Variants in CERT1 observed in about 807,000 individuals in gnomAD.
CERT1 encodes ceramide transporter 1, also known as ceramide transfer protein.
Under a neutral mutation model 87.9 loss-of-function variants are expected in CERT1, and 31 were observed. The ratio of observed to expected loss-of-function variants is 0.35; its 90% CI spans 0.27 to 0.48. CERT1 has a LOEUF of 0.48. CERT1 is among the 20% of genes least tolerant of loss of function. CERT1 has a pLI of 0.99. For missense variants in CERT1, 487 were observed against 758.0 expected (o/e 0.64, Z 4.20); for synonymous variants, 289 against 250.9 (o/e 1.15, Z -1.44).
At chr5:75,500,308 C>A (rs958391349) in intron 2 of CERT1, among the ~76,000 whole-genome samples, 6 of 152,090 alleles carry the variant, frequency 3.9e-5, no homozygotes, top group African/African-American at 1.2e-4. Flanking sequence ...GCAACCCTAG[C>A]AAATGAATAC....
chr5:75,414,537 G>A (rs954094699), intron 7 of CERT1, among the ~76,000 whole-genome samples: 1 of 152,028 alleles, frequency 6.6e-6, no homozygotes, highest in Non-Finnish European at 1.5e-5. Flanking sequence ...TCAATGAACA[G>A]GTTATCTCTT....
intron 7 of CERT1, among the ~76,000 whole-genome samples, chr5:75,412,052 T>C (rs886155014): frequency 6.6e-6 from 1 of 152,242 alleles, no homozygotes; most frequent in Admixed American, 6.5e-5. Context: ...GTTGGTCCCA[T>C]ATAAAACTTA....
chr5:75,433,539 G>C (rs1420217495), intron 3 of CERT1, among the ~76,000 whole-genome samples: 1 of 152,076 alleles, frequency 6.6e-6, no homozygotes, highest in Non-Finnish European at 1.5e-5. Flanking sequence ...TTGTTTTATC[G>C]AGATAGGGTC....
At chr5:75,396,590 G>A (rs1206820587) in intron 11 of CERT1, among the ~76,000 whole-genome samples, 2 of 152,076 alleles carry the variant, frequency 1.3e-5, no homozygotes, top group Admixed American at 6.6e-5. Flanking sequence ...TTAGCTGGGT[G>A]TGGTGGCAGG....
chr5:75,374,539 G>A (rs893901974), downstream of CERT1: 5 of 716,884 alleles, frequency 7.0e-6, no homozygotes, highest in South Asian at 2.7e-5. Context: ...TGCACGAACC[G>A]TGCCTGATGC....
intron 5 of CERT1, among the ~76,000 whole-genome samples, chr5:75,423,874 GA>G (rs894277601): frequency 7.2e-5 from 11 of 151,884 alleles, no homozygotes; most frequent in African/African-American, 1.9e-4. Context: ...ATATATATAT[GA>G]AAAAAATTTC....
chr5:75,423,897 G>T (rs1305248724), intron 5 of CERT1, among the ~76,000 whole-genome samples: 1 of 152,002 alleles, frequency 6.6e-6, no homozygotes, highest in Non-Finnish European at 1.5e-5. Flanking sequence ...TCCAAAGAAG[G>T]CAGAAAAAGG....
intron 2 of CERT1, among the ~76,000 whole-genome samples, chr5:75,485,041 AC>A (rs1187769505): frequency 6.6e-6 from 1 of 152,178 alleles, no homozygotes; most frequent in Non-Finnish European, 1.5e-5. Flanking sequence ...ATGCAATAAT[AC>A]TACAATTCAA....
chr5:75,490,881 C>CT (rs1290261446), intron 2 of CERT1, among the ~76,000 whole-genome samples: 1 of 152,136 alleles, frequency 6.6e-6, no homozygotes, highest in African/African-American at 2.4e-5. Context: ...TCTTTCATCT[C>CT]TTTGAGTACA....
At chr5:75,507,696 A>G (rs769525112) in intron 1 of CERT1, among the ~76,000 whole-genome samples, 2 of 152,234 alleles carry the variant, frequency 1.3e-5, no homozygotes, top group South Asian at 2.1e-4. Context: ...TGGATATAGG[A>G]TAAAATAGGC....
chr5:75,449,731 A>T (rs1392295807), intron 3 of CERT1, among the ~76,000 whole-genome samples: 1 of 151,564 alleles, frequency 6.6e-6, no homozygotes, highest in Non-Finnish European at 1.5e-5. Flanking sequence ...AGCCATTCTG[A>T]TGGGTATATG....
chr5:75,413,668 T>C lies in CERT1; in HGVS notation c.838-2565A>G, dbSNP rs113475129. Among the ~76,000 whole-genome samples the C allele has an allele frequency of 1.4e-3, 203 of 150,182 alleles. 2 individuals carry two copies. The highest frequency in any genetic ancestry group is 4.7e-3 in the African/African-American group (192 of 41,006). ...CAAAATCAAACAACACCAACACCTA[T>C]ACACACACACACACACAGACGCACA... On this transcript the variant is annotated intron_variant, in intron 7 of 16. Coordinates refer to ENST00000643780, the MANE Select transcript of CERT1 (RefSeq NM_001379029.1).
At chr5:75,368,774 C>T (rs1363224952) in intron 17 of CERT1, 1 of 152,160 alleles carries the variant, frequency 6.6e-6, no homozygotes, top group Non-Finnish European at 1.5e-5. Context: ...AGCCCCTTGA[C>T]TTATGATGGG....
chr5:75,400,304 A>G lies in CERT1; in HGVS notation c.1018-7T>C, dbSNP rs770016691. 23 of 1,595,650 alleles carry G rather than the reference A, an allele frequency of 1.4e-5. No individual in the cohort carries two copies. The Admixed American group carries it at 3.8e-4, about 27-fold the overall frequency. On this transcript the variant is annotated splice_polypyrimidine_tract_variant and splice_region_variant and intron_variant, in intron 9 of 16. Coordinates refer to ENST00000643780, the MANE Select transcript of CERT1 (RefSeq NM_001379029.1). ...TCACCTTTTCACTCTGTGACTAAAA[A>G]AACATATAATATTAAGATGGGAAGG...
At chr5:75,457,925 T>G (rs1264666020) in intron 3 of CERT1, among the ~76,000 whole-genome samples, 4 of 147,002 alleles carry the variant, frequency 2.7e-5, no homozygotes, top group East Asian at 2.1e-4. Context: ...TGTGTGTGTG[T>G]GGTGTGTGTG....
chr5:75,410,331 C>A (rs191604187), intron 8 of CERT1, among the ~76,000 whole-genome samples: 4 of 152,016 alleles, frequency 2.6e-5, no homozygotes, highest in South Asian at 2.1e-4. Context: ...CACAGTAGGC[C>A]GGGCGGGGTG....
chr5:75,374,227 A>G, downstream of CERT1: 1 of 402,854 alleles, frequency 2.5e-6, no homozygotes, highest in Non-Finnish European at 4.4e-6. Flanking sequence ...GACAAGTAAA[A>G]AACTCAGCAG....
At chr5:75,399,688 C>T (rs1452787039) in intron 10 of CERT1, among the ~76,000 whole-genome samples, 1 of 152,146 alleles carries the variant, frequency 6.6e-6, no homozygotes, top group East Asian at 1.9e-4. Context: ...TCCTTATTTG[C>T]CCACCCCCAA....
chr5:75,458,191 T>A (rs988029858), intron 3 of CERT1, among the ~76,000 whole-genome samples: 10 of 152,186 alleles, frequency 6.6e-5, no homozygotes, highest in Non-Finnish European at 1.0e-4. Context: ...GATTTATTAA[T>A]GTATTTCTTT....
Sources: allele counts gnomAD v4.1 joint callset (sites outside exome capture counted in the v4.1 genomes callset), GRCh38; gene constraint gnomAD v4.1.1; transcripts MANE v1.5; gene names NCBI Gene and HGNC (gene_info 2026-07-23, HGNC 2026-07-21).